The following IFT172 variants were observed in gnomAD, a reference collection of about 807,000 sequenced individuals.
The protein encoded by IFT172 is intraflagellar transport protein 172 homolog.
A neutral mutation model predicts 248.9 loss-of-function variants in IFT172; 164 were observed. The observed-to-expected ratio is 0.66, with a 90% CI of 0.58 to 0.75. The LOEUF is 0.75. Among genes scored for constraint, IFT172 ranks in the 30% least tolerant of loss-of-function variants. The probability of loss-of-function intolerance (pLI) is 0.00; values close to 1 mark genes in which losing one functional copy is unlikely to be tolerated. For missense variants in IFT172, 1,950 were observed against 2,192.4 expected, an observed-to-expected ratio of 0.89 and a Z score of 2.21; for synonymous variants, 729 against 791.6, an observed-to-expected ratio of 0.92 and a Z score of 1.33.
At chr2:27,486,878 A>T (rs2148562362) in intron 1 of IFT172, among the ~76,000 whole-genome samples, 1 of 152,344 alleles carries the variant, frequency 6.6e-6, no homozygotes, top group African/African-American at 2.4e-5. Flanking sequence ...AGCAATGAGC[A>T]CAAATCTCTG....
At chr2:27,453,319 A>T (rs775450599) in intron 35 of IFT172, 65 bp downstream of exon 35, 30 of 1,592,576 alleles carry the variant, frequency 1.9e-5, no homozygotes, top group Non-Finnish European at 1.9e-5. Context: ...AGATGTGAGA[A>T]GCAGAGCCAA....
At chr2:27,481,972 A>G (rs1351935444) in intron 7 of IFT172, among the ~76,000 whole-genome samples, 1 of 151,080 alleles carries the variant, frequency 6.6e-6, no homozygotes, top group Non-Finnish European at 1.5e-5. Flanking sequence ...TTTCAGTATT[A>G]TACGAATAAT....
chr2:27,446,059 T>G, intron 43 of IFT172, 71 bp from the exon 44 acceptor site: 2 of 1,576,338 alleles, frequency 1.3e-6, no homozygotes, highest in Non-Finnish European at 1.7e-6. Flanking sequence ...GGGATCCAGA[T>G]GCAAATGGGA....
Position 27,445,864 on chromosome 2 carries a change from A to G in IFT172, c.4816-21T>C. 6.2e-7 allele frequency: 1 copy of G among 1,614,166 alleles called. No individual in the cohort carries two copies. Among genetic ancestry groups the G allele is most frequent in the Non-Finnish European group, 8.5e-7 (1 of 1,180,004 alleles). On this transcript the variant is annotated intron_variant, in intron 44 of 47. Transcript: ENST00000260570. This position sits in a 1 kb window ranked among gnomAD's most constrained non-coding sequence, Gnocchi z 4.4. ...ATTGCCTGCAGTAGAGTGGGCAACC[A>G]TGAACTAGGCACAGCTCGCGACTGG...
At position 27,454,752 on chromosome 2, in the gene IFT172, G is replaced by T; in HGVS notation, c.3372-92C>A. 1 of 1,029,430 alleles carries T rather than the reference G, an allele frequency of 9.7e-7. No individual in the cohort carries two copies. The highest frequency in any genetic ancestry group is 1.5e-6 in the Non-Finnish European group (1 of 677,968). The allele number at this position is 1,029,430 out of a possible 1,614,324, so 63.8% of individuals were successfully genotyped here. ...AACAGAGAAAGGACAGAGTTGAGGG[G>T]AGAAAAAGTGACAGATTTAAGGATA... On this transcript the variant is annotated intron_variant, in intron 30 of 47. Coordinates refer to ENST00000260570, the MANE Select transcript of IFT172 (RefSeq NM_015662.3). The surrounding 1 kb of genome is among the most constrained non-coding windows in gnomAD (Gnocchi z 4.2).
chr2:27,476,005 T>C (rs1160372177), intron 14 of IFT172, among the ~76,000 whole-genome samples: 3 of 152,020 alleles, frequency 2.0e-5, no homozygotes, highest in Non-Finnish European at 4.4e-5. Context: ...CTTGAAACAT[T>C]TCACGATAAA....
At chr2:27,464,117 G>A (rs568431329) in intron 18 of IFT172, among the ~76,000 whole-genome samples, 1 of 152,304 alleles carries the variant, frequency 6.6e-6, no homozygotes, top group African/African-American at 2.4e-5. Context: ...GGTGGGAGAC[G>A]GCAGTGGTCT....
At chr2:27,466,117 G>A (rs1168490349) in intron 16 of IFT172, 5 of 536,744 alleles carry the variant, frequency 9.3e-6, no homozygotes, top group Non-Finnish European at 1.3e-5. Context: ...ATAAAGTGTG[G>A]CATTCACTTC....
chr2:27,482,105 T>G (rs1261627312), intron 7 of IFT172, among the ~76,000 whole-genome samples: 1 of 147,268 alleles, frequency 6.8e-6, no homozygotes, highest in African/African-American at 2.5e-5. Context: ...GCCTCAGCCT[T>G]CCGAGTAGCT....
rs745382278 is a variant in IFT172, at chr2:27,471,035, T to C, written c.1585A>G (p.Met529Val). The change falls in exon 16 of 48, where the codon ATG becomes GTG. Residue 529 changes from methionine to valine, a missense_variant. This residue lies in a region of IFT172 where 1,166 missense variants were observed against 1,254.1 expected (regional missense o/e 0.93). Coordinates refer to ENST00000260570, the MANE Select transcript of IFT172 (RefSeq NM_015662.3). ...ACGTCACTTCCTGGGACCCACTGCA[T>C]ATAGGAGCAGAAGTTGAGGATCATT... ...KTMILNFCSYMQWVPGSDVLV... is the reference protein window; with the variant it reads ...KTMILNFCSYVQWVPGSDVLV... The C allele has an allele frequency of 1.2e-5, 19 of 1,613,728 alleles. No individual in the cohort carries two copies. Among genetic ancestry groups the C allele is most frequent in the Middle Eastern group, 1.6e-4 (1 of 6,078 alleles).
chr2:27,477,229 G>A lies in IFT172; in HGVS notation c.1313C>T (p.Pro438Leu), dbSNP rs367930028. 68 of 1,613,484 alleles carry A rather than the reference G, an allele frequency of 4.2e-5. No individual in the cohort carries two copies. In the African/African-American group the frequency reaches 8.5e-4, roughly 20 times the overall value. Residue 438 changes from proline (P) to leucine (L), a missense_variant, in exon 13 of 48, where the codon CCC becomes CTC. By Grantham distance (98) the Pro-to-Leu change is moderately conservative (BLOSUM62 -3). This residue lies in a region of IFT172 where 1,166 missense variants were observed against 1,254.1 expected (regional missense o/e 0.93). Transcript: ENST00000260570. ...CTTGTGAGGTTACCTGATGAGGTGG[G>A]GGTTCATGAATTCAGTGCGTACAGA... ...LGSVRTEFMNPHLISVRINER... is the reference protein window; with the variant it reads ...LGSVRTEFMNLHLISVRINER...
intron 35 of IFT172, among the ~76,000 whole-genome samples, chr2:27,451,153 GACATCCTT>G (rs1239120480): frequency 6.6e-5 from 10 of 152,016 alleles, no homozygotes; most frequent in African/African-American, 2.4e-4. Flanking sequence ...TTATGATGCT[GACATCCTT>G]ACCAGATTTC....
Position 27,462,780 on chromosome 2 carries a change from G to A in IFT172, c.2036C>T (p.Thr679Ile), listed in dbSNP as rs369169776. 1.7e-5 allele frequency: 28 copies of A among 1,613,918 alleles called. No individual in the cohort carries two copies. The highest frequency in any genetic ancestry group is 5.3e-5 in the African/African-American group (4 of 74,886). The change falls in exon 20 of 48, where the codon ACA (threonine) becomes ATA (isoleucine). Residue 679 changes from threonine to isoleucine, a missense_variant. This residue lies in a region of IFT172 where 1,166 missense variants were observed against 1,254.1 expected (regional missense o/e 0.93). Transcript: ENST00000260570. ...QVSREYGGEG[T>I]DFYQVRARLA... is the part of the protein sequence containing the mutation. ...ACGTGCTCGGACCTGATAAAAGTCT[G>A]TTCCTTCTCCGCCCTGTGGGGGAAA... is the stretch of plus-strand genomic sequence containing the variant.
At chr2:27,481,397 A>G (rs571490760) in intron 7 of IFT172, 137 bp from the exon 8 acceptor site, 38 of 646,760 alleles carry the variant, frequency 5.9e-5, no homozygotes, top group Admixed American at 2.7e-4. Flanking sequence ...ATCCCAACAC[A>G]TCCTAATCCT....
intron 15 of IFT172, 45 bp downstream of exon 15, chr2:27,472,205 C>T (rs371238495): frequency 7.1e-7 from 1 of 1,406,182 alleles, no homozygotes; most frequent in African/African-American, 1.4e-5. Flanking sequence ...GTCTCACACC[C>T]TCTGTGGGCC....
chr2:27,473,123 T>C lies in IFT172; in HGVS notation c.1412-761A>G, dbSNP rs1259429147. Among the ~76,000 whole-genome samples, 11 of 151,646 alleles carry C rather than the reference T, an allele frequency of 7.3e-5. No homozygotes were observed. In the East Asian group the frequency reaches 2.2e-3, roughly 30 times the overall value. ...GGCTCATGCCTGTAATCTCAGCACT[T>C]TGGGAAGCCAAGGTGGGCAGATCAC... On this transcript the variant is annotated intron_variant, in intron 14 of 47. Coordinates refer to ENST00000260570, the MANE Select transcript of IFT172 (RefSeq NM_015662.3).
In IFT172 at chr2:27,481,114, C is replaced by A. The variant is rs760244057; in HGVS notation, c.717G>T (p.Gln239His). 1 of 1,614,052 alleles carries A rather than the reference C, an allele frequency of 6.2e-7. No homozygotes were observed. Among genetic ancestry groups the A allele is most frequent in the Non-Finnish European group, 8.5e-7 (1 of 1,180,012 alleles). ...ATACAGCTGTGGTGAACTCCCGCTCCTGAGGGTCACGGCTATAATCAAAAG... is the reference window on the plus strand; with the variant it reads ...ATACAGCTGTGGTGAACTCCCGCTCATGAGGGTCACGGCTATAATCAAAAG... ...LQTFDYSRDP[Q>H]EREFTTAVSS... The change falls in exon 8 of 48, where the codon CAG becomes CAT. Residue 239 changes from glutamine (Q) to histidine (H), a missense_variant. Physicochemically the swap from Gln to His is conservative, Grantham distance 24. This residue lies in a region of IFT172 where 1,166 missense variants were observed against 1,254.1 expected (regional missense o/e 0.93). Coordinates refer to ENST00000260570, the MANE Select transcript of IFT172 (RefSeq NM_015662.3).
intron 1 of IFT172, 89 bp from the exon 2 acceptor site, chr2:27,485,592 G>T (rs79587828): frequency 1.4e-6 from 2 of 1,461,100 alleles, no homozygotes; most frequent in Non-Finnish European, 1.9e-6. Flanking sequence ...GTGTAATACT[G>T]GTCAATTTTC....
At position 27,453,884 on chromosome 2, in the gene IFT172, C is replaced by A. The variant is rs1440792530; in HGVS notation, c.3711+98G>T. 2.8e-6 allele frequency: 4 copies of A among 1,432,990 alleles called. No homozygotes were observed. In the African/African-American group the frequency reaches 4.3e-5, roughly 15 times the overall value. The allele number at this position is 1,432,990 out of a possible 1,614,324, so 88.8% of individuals were successfully genotyped here. ...TGTCTTCCCCACTCCCCAATACTAA[C>A]CTCCCTGATCTTTCTTCATACCAGG... On this transcript the variant is annotated intron_variant, in intron 33 of 47. Coordinates refer to ENST00000260570, the MANE Select transcript of IFT172 (RefSeq NM_015662.3).
Sources: allele counts gnomAD v4.1 joint callset (sites outside exome capture counted in the v4.1 genomes callset), GRCh38; gene constraint gnomAD v4.1.1; regional missense constraint gnomAD v4.1.1; non-coding constraint Gnocchi (gnomAD v3.1); transcripts MANE v1.5; gene names NCBI Gene and HGNC (gene_info 2026-07-23, HGNC 2026-07-21).